Variants in PIK3CB observed in about 807,000 individuals in gnomAD.
PIK3CB encodes phosphatidylinositol 4,5-bisphosphate 3-kinase catalytic subunit beta isoform.
PIK3CB carries 39 observed loss-of-function variants against 136.8 expected under a neutral mutation model. That is an observed-to-expected ratio of 0.29 (90% CI 0.22 to 0.37). The LOEUF is 0.37. Ranked by LOEUF, PIK3CB falls within the 10% of genes least tolerant of loss-of-function variation. PIK3CB has a pLI of 1.00. For synonymous variants in PIK3CB, 428 were observed against 436.6 expected (o/e 0.98, Z 0.25); for missense variants, 868 against 1,275.4 (o/e 0.68, Z 4.87).
At chr3:138,737,490 A>G (rs899540470) in intron 6 of PIK3CB, among the ~76,000 whole-genome samples, 1 of 150,928 alleles carries the variant, frequency 6.6e-6, no homozygotes, top group African/African-American at 2.4e-5. Context: ...AAATACAAAC[A>G]TAACTGCAAA....
At chr3:138,809,606 C>CAAAAAAAAAAAA (rs57717750) in intron 1 of PIK3CB, among the ~76,000 whole-genome samples, 2 of 113,626 alleles carry the variant, frequency 1.8e-5, no homozygotes, top group Non-Finnish European at 1.7e-5. Context: ...GACTTTGCCT[C>CAAAAAAAAAAAA]AAAAAAAAAA....
intron 8 of PIK3CB, among the ~76,000 whole-genome samples, chr3:138,732,651 G>A (rs1171538695): frequency 2.7e-5 from 4 of 147,034 alleles, no homozygotes; most frequent in South Asian, 4.4e-4. Flanking sequence ...GGTCCATAAC[G>A]TAGTAATCTA....
chr3:138,675,696 C>G (rs1172619737), intron 19 of PIK3CB, among the ~76,000 whole-genome samples: 1 of 152,052 alleles, frequency 6.6e-6, no homozygotes, highest in Non-Finnish European at 1.5e-5. Flanking sequence ...TAGCAAAATT[C>G]TTATTCAGAA....
At chr3:138,770,876 T>G (rs1461720354) in intron 2 of PIK3CB, among the ~76,000 whole-genome samples, 2 of 151,664 alleles carry the variant, frequency 1.3e-5, no homozygotes, top group East Asian at 4.0e-4. Flanking sequence ...CACGCCCGGC[T>G]AATTTTTGTA....
chr3:138,701,398 G>T (rs1182064434), intron 12 of PIK3CB, among the ~76,000 whole-genome samples: 4 of 152,030 alleles, frequency 2.6e-5, no homozygotes, highest in African/African-American at 9.7e-5. Context: ...ATATAGAACT[G>T]AATCAGTATT....
chr3:138,832,013 G>C (rs1436840288), intron 1 of PIK3CB, among the ~76,000 whole-genome samples: 1 of 152,146 alleles, frequency 6.6e-6, no homozygotes, highest in Non-Finnish European at 1.5e-5. Flanking sequence ...AAAACCAAGA[G>C]GTGACTTCTG....
intron 1 of PIK3CB, among the ~76,000 whole-genome samples, chr3:138,809,783 G>T (rs1163472759): frequency 6.6e-6 from 1 of 152,006 alleles, no homozygotes; most frequent in Non-Finnish European, 1.5e-5. Context: ...ATAGACATAC[G>T]TATATAGTAT....
intron 1 of PIK3CB, among the ~76,000 whole-genome samples, chr3:138,832,151 C>T: frequency 6.6e-6 from 1 of 152,042 alleles, no homozygotes; most frequent in East Asian, 1.9e-4. Context: ...CACTTTTTTC[C>T]ATATAGTTGG....
At chr3:138,691,285 A>G in intron 14 of PIK3CB, 142 bp from the exon 15 acceptor site, 3 of 688,552 alleles carry the variant, frequency 4.4e-6, no homozygotes, top group Non-Finnish European at 7.3e-6. Context: ...CCTTCACTGT[A>G]CCACTGTTAC....
intron 1 of PIK3CB, among the ~76,000 whole-genome samples, chr3:138,828,603 C>G (rs910702610): frequency 1.3e-5 from 2 of 151,850 alleles, no homozygotes; most frequent in Non-Finnish European, 2.9e-5. Context: ...AATAAATGAA[C>G]AATAAAATAA....
intron 14 of PIK3CB, among the ~76,000 whole-genome samples, chr3:138,693,406 A>T (rs915936186): frequency 5.5e-5 from 8 of 146,632 alleles, no homozygotes; most frequent in East Asian, 2.0e-4. Context: ...AATTATTATT[A>T]TTTTTTTTTG....
chr3:138,785,365 T>C (rs2045970137), intron 2 of PIK3CB, among the ~76,000 whole-genome samples: 1 of 152,102 alleles, frequency 6.6e-6, no homozygotes, highest in Non-Finnish European at 1.5e-5. Context: ...GATGGCAGTT[T>C]TGTCGAATAG....
At chr3:138,799,091 G>A (rs1388638750) in intron 1 of PIK3CB, among the ~76,000 whole-genome samples, 1 of 151,398 alleles carries the variant, frequency 6.6e-6, no homozygotes, top group East Asian at 1.9e-4. Context: ...GCGTGGTGGT[G>A]TATGCCTATA....
intron 2 of PIK3CB, among the ~76,000 whole-genome samples, chr3:138,791,300 G>A (rs1350775981): frequency 1.3e-5 from 2 of 151,860 alleles, no homozygotes; most frequent in African/African-American, 2.4e-5. Context: ...GCGCCACCAC[G>A]CCCGACTGAT....
intron 6 of PIK3CB, among the ~76,000 whole-genome samples, chr3:138,737,097 C>T (rs2045123679): frequency 6.6e-6 from 1 of 151,834 alleles, no homozygotes; most frequent in Non-Finnish European, 1.5e-5. Flanking sequence ...ACAATCAAAA[C>T]AGCCGAATGA....
chr3:138,811,344 T>C (rs186618967), intron 1 of PIK3CB, among the ~76,000 whole-genome samples: 88 of 149,074 alleles, frequency 5.9e-4, no homozygotes, highest in African/African-American at 1.3e-3. Context: ...ATTGGTAAAA[T>C]TGGAATATAA....
intron 1 of PIK3CB, among the ~76,000 whole-genome samples, chr3:138,806,265 C>G (rs929053819): frequency 6.6e-6 from 1 of 152,096 alleles, no homozygotes; most frequent in African/African-American, 2.4e-5. Context: ...GGAGGCAGAT[C>G]ACTTGAGGTC....
Position 138,691,024 on chromosome 3 carries a change from C to G in PIK3CB, c.2012G>C (p.Gly671Ala). The G allele has an allele frequency of 6.2e-7, 1 of 1,612,782 alleles. No homozygotes were observed. Residue 671 changes from glycine to alanine, a missense_variant, in exon 15 of 24, where the codon GGG becomes GCG. Gly to Ala is a moderately conservative substitution (Grantham distance 60, BLOSUM62 0). Around this residue, in one of 4 missense-constraint regions of PIK3CB, gnomAD observed 612 missense variants for 801.1 expected, o/e 0.76. Coordinates refer to ENST00000674063, the MANE Select transcript of PIK3CB (RefSeq NM_006219.3). Reference sequence around the variant, plus strand: ...CCTAAGATGCCAAAATAGAAACTGCCCTATCCTCCGATTACCAAGTGCTCT... The same window carrying G: ...CCTAAGATGCCAAAATAGAAACTGCGCTATCCTCCGATTACCAAGTGCTCT... The part of the protein sequence containing the change: ...LERALGNRRI[G>A]QFLFWHLRSE...
At position 138,785,227 on chromosome 3, in the gene PIK3CB, G is replaced by A. The variant is rs533692298; in HGVS notation, c.-17+11236C>T. Reference sequence around the variant, plus strand: ...CCCGCCCGGCCAGCCGCCCTGTCCCGGAGGGAGGCGGGGGGAAGCTCCCGC... The same window carrying A: ...CCCGCCCGGCCAGCCGCCCTGTCCCAGAGGGAGGCGGGGGGAAGCTCCCGC... On this transcript the variant is annotated intron_variant, in intron 2 of 23. Coordinates refer to ENST00000674063, the MANE Select transcript of PIK3CB (RefSeq NM_006219.3). 3.0e-4 allele frequency among the ~76,000 whole-genome samples: 45 copies of A among 151,644 alleles called. No individual in the cohort carries two copies. In the South Asian group the frequency reaches 6.7e-3, roughly 22 times the overall value.
Sources: allele counts gnomAD v4.1 joint callset (sites outside exome capture counted in the v4.1 genomes callset), GRCh38; gene constraint gnomAD v4.1.1; regional missense constraint gnomAD v4.1.1; transcripts MANE v1.5; gene names NCBI Gene and HGNC (gene_info 2026-07-23, HGNC 2026-07-21).